The following SCN9A variants were observed in gnomAD, a reference collection of about 807,000 sequenced individuals.
SCN9A encodes the protein sodium channel protein type 9 subunit alpha.
SCN9A carries 131 observed loss-of-function variants against 187.0 expected under a neutral mutation model. The observed-to-expected ratio is 0.70, with a 90% CI of 0.61 to 0.81. SCN9A has a LOEUF of 0.81. SCN9A is among the 30% of genes least tolerant of loss of function. The probability of loss-of-function intolerance (pLI) is 0.00; values close to 1 mark genes in which losing one functional copy is unlikely to be tolerated. For missense variants in SCN9A, 2,252 were observed against 2,396.6 expected (o/e 0.94, Z 1.26); for synonymous variants, 809 against 808.6 (o/e 1.00, Z -0.01).
chr2:166,304,149 G>T lies in SCN9A; in HGVS notation c.688+89C>A, dbSNP rs200341995. 6.2e-6 allele frequency: 10 copies of T among 1,612,478 alleles called. No individual in the cohort carries two copies. In the East Asian group the frequency reaches 2.2e-4, roughly 36 times the overall value. ...TGTAATAGGGGAGTTTATACACACAGTGACGACACACACACAAACGAACAA... is the reference window on the plus strand; with the variant it reads ...TGTAATAGGGGAGTTTATACACACATTGACGACACACACACAAACGAACAA... On this transcript the variant is annotated intron_variant, in intron 6 of 26. Coordinates refer to ENST00000642356, the MANE Select transcript of SCN9A (RefSeq NM_001365536.1).
At chr2:166,208,087 G>T (rs1693903487) in intron 24 of SCN9A, among the ~76,000 whole-genome samples, 1 of 152,186 alleles carries the variant, frequency 6.6e-6, no homozygotes, top group Admixed American at 6.5e-5. Flanking sequence ...AACTTGCGTG[G>T]GTGTTTTGTT....
chr2:166,255,325 T>G (rs1248169967), intron 17 of SCN9A, among the ~76,000 whole-genome samples: 1 of 151,580 alleles, frequency 6.6e-6, no homozygotes, highest in South Asian at 2.1e-4. Flanking sequence ...TGAAGCTGTG[T>G]TTTCTACTAT....
chr2:166,221,756 C>T (rs1694595511), intron 24 of SCN9A, among the ~76,000 whole-genome samples: 1 of 151,948 alleles, frequency 6.6e-6, no homozygotes, highest in African/African-American at 2.4e-5. Flanking sequence ...ATAGTATGGT[C>T]CTGGCATAAA....
chr2:166,280,531 G>T lies in SCN9A; in HGVS notation c.2169C>A (p.Ile723=). The change falls in exon 14 of 27, where the codon ATC becomes ATA. Residue 723 remains isoleucine (I), a synonymous_variant. Transcript: ENST00000642356. ...WWYRFAHKFL[I]WNCSPYWIKF... ...TTATCCAATATGGAGAGCAATTCCAGATCAAGAATTTGTGTGCAAATCTGT... is the reference window on the plus strand; with the variant it reads ...TTATCCAATATGGAGAGCAATTCCATATCAAGAATTTGTGTGCAAATCTGT... 1 of 1,592,416 alleles carries T rather than the reference G, an allele frequency of 6.3e-7. No individual in the cohort carries two copies. Among genetic ancestry groups the T allele is most frequent in the Non-Finnish European group, 8.6e-7 (1 of 1,167,562 alleles).
chr2:166,280,645 T>G, intron 13 of SCN9A, 50 bp from the exon 14 acceptor site: 1 of 1,058,048 alleles, frequency 9.5e-7, no homozygotes, highest in South Asian at 1.5e-5. Flanking sequence ...TCTGTTTCAC[T>G]CCTAACCAGA....
chr2:166,223,827 A>C (rs1694729896), intron 24 of SCN9A, among the ~76,000 whole-genome samples: 1 of 152,214 alleles, frequency 6.6e-6, no homozygotes, highest in African/African-American at 2.4e-5. Flanking sequence ...ATCACAAAGC[A>C]TCTACTACGT....
rs559502637 is a variant in SCN9A, at chr2:166,286,429, T to G, written c.1509A>C (p.Ser503=). The change falls in exon 11 of 27, where the codon TCA becomes TCC. Residue 503 remains serine, a synonymous_variant. Transcript: ENST00000642356. ...EKGDAEKLSK[S]ESEDSIRRKS... Reference sequence around the variant, plus strand: ...TTCTTCTGATGCTGTCCTCTGATTCTGATTTCGACAATTTCTCAGCATCTC... The same window carrying G: ...TTCTTCTGATGCTGTCCTCTGATTCGGATTTCGACAATTTCTCAGCATCTC... 1 of 1,613,970 alleles carries G rather than the reference T, an allele frequency of 6.2e-7. No homozygotes were observed. Among genetic ancestry groups the G allele is most frequent in the African/African-American group, 1.3e-5 (1 of 75,056 alleles).
At chr2:166,330,640 C>A (rs1347728038) in intron 1 of SCN9A, among the ~76,000 whole-genome samples, 1 of 152,104 alleles carries the variant, frequency 6.6e-6, no homozygotes, top group African/African-American at 2.4e-5. Flanking sequence ...TTTTTCAGGG[C>A]AGCAGGGAAG....
At chr2:166,261,190 T>C (rs962800746) in intron 17 of SCN9A, among the ~76,000 whole-genome samples, 1 of 152,036 alleles carries the variant, frequency 6.6e-6, no homozygotes. Flanking sequence ...AGTAGTAATA[T>C]TGGAGAAGCA....
At chr2:166,368,661 C>T (rs1012634046) in intron 1 of SCN9A, among the ~76,000 whole-genome samples, 29 of 141,676 alleles carry the variant, frequency 2.0e-4, no homozygotes, top group Admixed American at 5.8e-4. Context: ...CCTGCACATC[C>T]TGCAAATGTA....
chr2:166,247,790 T>C (rs1246310342), intron 18 of SCN9A, among the ~76,000 whole-genome samples: 1 of 152,156 alleles, frequency 6.6e-6, no homozygotes, highest in Admixed American at 6.6e-5. Flanking sequence ...ATCCTGATTA[T>C]GTAATTTACT....
intron 7 of SCN9A, among the ~76,000 whole-genome samples, chr2:166,297,558 G>A (rs1372771690): frequency 6.6e-6 from 1 of 151,872 alleles, no homozygotes; most frequent in Non-Finnish European, 1.5e-5. Context: ...TCTACAGAGT[G>A]GGTAAATCCC....
chr2:166,355,845 T>A (rs1312966055), intron 1 of SCN9A, among the ~76,000 whole-genome samples: 1 of 151,654 alleles, frequency 6.6e-6, no homozygotes, highest in Non-Finnish European at 1.5e-5. Context: ...TGATCTCAGC[T>A]CACTATAACC....
chr2:166,357,104 C>A (rs575188566), intron 1 of SCN9A, among the ~76,000 whole-genome samples: 42 of 152,222 alleles, frequency 2.8e-4, no homozygotes, highest in Non-Finnish European at 5.0e-4. Flanking sequence ...CTGATCCCCT[C>A]CCTCCTGCCA....
Position 166,198,786 on chromosome 2 carries a change from G to C in SCN9A, c.5853C>G (p.Ser1951=). The change falls in exon 27 of 27, where the codon TCC becomes TCG. Residue 1951 remains serine (S), a synonymous_variant. Coordinates refer to ENST00000642356, the MANE Select transcript of SCN9A (RefSeq NM_001365536.1). ...TATCATATGAAGGTGGAGAGGTGGT[G>C]GATGAAGTGGCATCTGTTTTTTCTG... ...SSPEKTDATS[S]TTSPPSYDSV... 6.2e-7 allele frequency: 1 copy of C among 1,613,264 alleles called. No individual in the cohort carries two copies. The highest frequency in any genetic ancestry group is 8.5e-7 in the Non-Finnish European group (1 of 1,179,458).
intron 1 of SCN9A, among the ~76,000 whole-genome samples, chr2:166,340,541 CCTTTCTTTCTTT>C (rs201511761): frequency 0.034 from 2,330 of 67,736 alleles, 44 homozygotes; most frequent in East Asian, 0.054. Flanking sequence ...CTTTTCTTTC[CCTTTCTTTCTTT>C]CTTTCTTTCT....
intron 17 of SCN9A, among the ~76,000 whole-genome samples, 191 bp downstream of exon 17, chr2:166,272,207 TC>T (rs1697021623): frequency 6.6e-6 from 1 of 152,036 alleles, no homozygotes; most frequent in South Asian, 2.1e-4. Flanking sequence ...TAAGATTAAA[TC>T]AATTATTAAG....
intron 1 of SCN9A, among the ~76,000 whole-genome samples, chr2:166,343,037 TG>T (rs1699821989): frequency 6.6e-6 from 1 of 152,238 alleles, no homozygotes; most frequent in Non-Finnish European, 1.5e-5. Flanking sequence ...TGTCTTCTCT[TG>T]CATAACATCT....
At chr2:166,375,404 C>T (rs899930342) in intron 1 of SCN9A, among the ~76,000 whole-genome samples, 1 of 152,192 alleles carries the variant, frequency 6.6e-6, no homozygotes, top group Admixed American at 6.5e-5. Context: ...CCAGGCATTG[C>T]TACCCTTCCT....
Sources: gnomAD v4.1 joint callset for allele counts (sites outside exome capture counted in the v4.1 genomes callset) on GRCh38, gnomAD v4.1.1 for gene constraint, MANE v1.5 for transcripts, NCBI Gene and HGNC (gene_info 2026-07-23, HGNC 2026-07-21) for gene names.